Variants in CROCC observed in about 807,000 individuals in gnomAD.
The protein encoded by CROCC is ciliary rootlet coiled-coil, rootletin.
In CROCC, 180 loss-of-function variants were observed where a neutral mutation model predicts 245.2. The ratio of observed to expected loss-of-function variants is 0.73; its 90% CI spans 0.65 to 0.83. The LOEUF is 0.83. CROCC is among the 40% of genes least tolerant of loss of function. The probability of loss-of-function intolerance (pLI) is 0.00; values close to 1 mark genes in which losing one functional copy is unlikely to be tolerated. For synonymous variants in CROCC, 1,205 were observed against 1,241.6 expected (o/e 0.97, Z 0.62); for missense variants, 2,688 against 2,779.4 (o/e 0.97, Z 0.74).
Position 16,955,493 on chromosome 1 carries a change from G to A in CROCC, c.3647G>A (p.Arg1216Gln), listed in dbSNP as rs770562550. 1.9e-5 allele frequency: 30 copies of A among 1,579,300 alleles called. No homozygotes were observed. Among genetic ancestry groups the A allele is most frequent in the Admixed American group, 1.1e-4 (6 of 55,262 alleles). The change falls in exon 24 of 37, where the codon CGG becomes CAG. Residue 1216 changes from arginine to glutamine, a missense_variant. Physicochemically the swap from Arg to Gln is conservative, Grantham distance 43. This residue lies in a region of CROCC where 1,218 missense variants were observed against 1,286.3 expected (regional missense o/e 0.95). Coordinates refer to ENST00000375541, the MANE Select transcript of CROCC (RefSeq NM_014675.5). ...GGTGCCAAGGAGCGCGAGGCCCTGC[G>A]GCGTTCCAATGAGGAGCTTCGGTCT... ...GEGAKEREAL[R>Q]RSNEELRSAV...
chr1:16,944,465 C>T (rs2076003381), intron 14 of CROCC, among the ~76,000 whole-genome samples, 183 bp downstream of exon 14: 1 of 152,296 alleles, frequency 6.6e-6, no homozygotes, highest in Admixed American at 6.5e-5. Flanking sequence ...GGTATAGTCA[C>T]TTACCTGGAG....
chr1:16,924,630 G>T, intron 3 of CROCC, 151 bp downstream of exon 3: 1 of 1,035,640 alleles, frequency 9.7e-7, no homozygotes, highest in Non-Finnish European at 1.4e-6. Flanking sequence ...CTTGAGTGGC[G>T]TTGAGCAAAT....
At chr1:16,935,431 T>C (rs1197172877) in intron 8 of CROCC, among the ~76,000 whole-genome samples, 5 of 152,214 alleles carry the variant, frequency 3.3e-5, no homozygotes, top group African/African-American at 1.2e-4. Flanking sequence ...TTTGTTTTGT[T>C]TTGTTTTGAG....
At chr1:16,938,659 C>T (rs1289790112) in intron 11 of CROCC, among the ~76,000 whole-genome samples, 176 bp downstream of exon 11, 1 of 152,302 alleles carries the variant, frequency 6.6e-6, no homozygotes, top group Non-Finnish European at 1.5e-5. Flanking sequence ...AGCCCCCAGT[C>T]TCAGAGGGGA....
Position 16,931,415 on chromosome 1 carries a change from A to T in CROCC, c.956+18A>T, listed in dbSNP as rs1375966606. The T allele has an allele frequency of 1.9e-6, 3 of 1,600,012 alleles. No homozygotes were observed. In the African/African-American group the frequency reaches 4.0e-5, roughly 21 times the overall value. On this transcript the variant is annotated intron_variant, in intron 8 of 36. Transcript: ENST00000375541. ...ACTGAGAGGTGAGGCCTGGCCGGGG[A>T]CGGGGCAGCAGCTGAGAGCCAGCCC...
chr1:16,948,116 A>G (rs1400414603), intron 17 of CROCC, among the ~76,000 whole-genome samples: 1 of 152,274 alleles, frequency 6.6e-6, no homozygotes, highest in Non-Finnish European at 1.5e-5. Flanking sequence ...GGCACGCACC[A>G]CCGTACCTGG....
Position 16,968,269 on chromosome 1 carries a change from G to T in CROCC, c.4927G>T (p.Val1643Phe), listed in dbSNP as rs1210241875. Residue 1643 changes from valine (V) to phenylalanine (F), a missense_variant, in exon 31 of 37, where the codon GTT (valine) becomes TTT (phenylalanine). Physicochemically the swap from Val to Phe is conservative, Grantham distance 50. This residue lies in a region of CROCC where 1,218 missense variants were observed against 1,286.3 expected (regional missense o/e 0.95). Transcript: ENST00000375541. ...LEGDKRRLKEVLDASESRTVK... is the reference protein window; with the variant it reads ...LEGDKRRLKEFLDASESRTVK... ...GGGCGACAAGCGGCGCCTGAAGGAG[G>T]TTCTGGACGCCTCCGAGAGCCGCAC... The T allele has an allele frequency of 6.4e-7, 1 of 1,563,136 alleles. No homozygotes were observed. The highest frequency in any genetic ancestry group is 8.7e-7 in the Non-Finnish European group (1 of 1,155,216).
In CROCC at chr1:16,938,340, G is replaced by A. The variant is rs571369136; in HGVS notation, c.1291-60G>A. The A allele has an allele frequency of 1.7e-4, 254 of 1,462,240 alleles. No homozygotes were observed. The East Asian group carries it at 6.1e-3, about 35-fold the overall frequency. 90.6% of individuals were successfully genotyped at this position (1,462,240 alleles called of 1,614,324 possible). On this transcript the variant is annotated intron_variant, in intron 10 of 36. Coordinates refer to ENST00000375541, the MANE Select transcript of CROCC (RefSeq NM_014675.5). ...GTGGTGGGCCAGGTAGGGAGGGAAA[G>A]GGGAGGTTTCAGATAAGACAGAACC...
chr1:16,970,178 C>T (rs1410070620), intron 33 of CROCC, 75 bp from the exon 34 acceptor site: 10 of 1,408,944 alleles, frequency 7.1e-6, no homozygotes, highest in Non-Finnish European at 7.6e-6. Context: ...AGTGGGCCAG[C>T]CTCATTGTCC....
In CROCC at chr1:16,922,095, G is replaced by T. The variant is rs530021629; in HGVS notation, c.60+17G>T. The T allele has an allele frequency of 5.2e-6, 8 of 1,535,694 alleles. No individual in the cohort carries two copies. The Admixed American group carries it at 1.2e-4, about 24-fold the overall frequency. ...GTTATCCAGGTGGGTCCTGGGGGCT[G>T]TGCCCACCCTGTCTGGGGCGGGGCA... On this transcript the variant is annotated intron_variant, in intron 1 of 36. Coordinates refer to ENST00000375541, the MANE Select transcript of CROCC (RefSeq NM_014675.5).
chr1:16,955,958 C>T, intron 24 of CROCC, 39 bp from the exon 25 acceptor site: 1 of 1,548,216 alleles, frequency 6.5e-7, no homozygotes, highest in Non-Finnish European at 8.7e-7. Flanking sequence ...CTGACTACTC[C>T]CAGGACCCAG....
chr1:16,938,848 C>T, intron 11 of CROCC, 61 bp from the exon 12 acceptor site: 1 of 1,523,238 alleles, frequency 6.6e-7, no homozygotes, highest in South Asian at 1.2e-5. Context: ...GCGTCTTTGC[C>T]CAGCTAACCC....
rs2075418048 is a variant in CROCC at position 16,922,029 on chromosome 1, G to T, written c.11G>T (p.Gly4Val). 7 of 1,551,086 alleles carry T rather than the reference G, an allele frequency of 4.5e-6. No homozygotes were observed. In the East Asian group the frequency reaches 1.7e-4, roughly 38 times the overall value. The stretch of plus-strand genomic sequence containing the variant: ...CACAGCCTCCCCCCCATGAGCTTGG[G>T]GCTGGCGGGGGCACAGGAGGTGGAG... MSL[G>V]LAGAQEVELT... Residue 4 changes from glycine (G) to valine (V), a missense_variant, in exon 1 of 37, where the codon GGG becomes GTG. Transcript: ENST00000375541.
At chr1:16,926,812 CGGTCTGAG>C (rs2075545032) in intron 3 of CROCC, among the ~76,000 whole-genome samples, 1 of 152,280 alleles carries the variant, frequency 6.6e-6, no homozygotes, top group African/African-American at 2.4e-5. Flanking sequence ...AATTGAATGG[CGGTCTGAG>C]GGCAGCAGTT....
intron 25 of CROCC, among the ~76,000 whole-genome samples, chr1:16,958,003 T>C (rs76074825): frequency 0.49 from 74,489 of 151,738 alleles, 18,839 homozygotes; most frequent in South Asian, 0.61. Flanking sequence ...TACCCCTCCC[T>C]GCTCCTGTGG....
intron 2 of CROCC, among the ~76,000 whole-genome samples, chr1:16,923,213 A>T (rs2075449013): frequency 6.6e-6 from 1 of 152,244 alleles, no homozygotes. Flanking sequence ...AGGAAGGCGG[A>T]TGGTCCCTGC....
intron 13 of CROCC, among the ~76,000 whole-genome samples, chr1:16,942,886 A>C (rs2075962287): frequency 6.6e-6 from 1 of 152,286 alleles, no homozygotes; most frequent in Admixed American, 6.5e-5. Context: ...CGGGTGGATC[A>C]CTTGAGGTCA....
At chr1:16,931,938 T>C (rs1164217681) in intron 8 of CROCC, among the ~76,000 whole-genome samples, 1 of 152,138 alleles carries the variant, frequency 6.6e-6, no homozygotes, top group Admixed American at 6.5e-5. Context: ...TTTTTTTTTT[T>C]TGTATTTTAG....
intron 25 of CROCC, among the ~76,000 whole-genome samples, chr1:16,957,361 C>T (rs938995443): frequency 3.9e-5 from 6 of 152,052 alleles, no homozygotes; most frequent in Admixed American, 2.6e-4. Context: ...GAGCTGTGAT[C>T]GCATCACCGC....
Sources: allele counts gnomAD v4.1 joint callset (sites outside exome capture counted in the v4.1 genomes callset), GRCh38; gene constraint gnomAD v4.1.1; regional missense constraint gnomAD v4.1.1; transcripts MANE v1.5; gene names NCBI Gene and HGNC (gene_info 2026-07-23, HGNC 2026-07-21).